The following RAPGEF5 variants were observed in gnomAD, a reference collection of about 807,000 sequenced individuals.
RAPGEF5 encodes M-Ras-regulated GEF.
In RAPGEF5, 65 loss-of-function variants were observed where a neutral mutation model predicts 125.2. That is an observed-to-expected ratio of 0.52 (90% CI 0.43 to 0.64). The LOEUF (loss-of-function observed/expected upper bound fraction) is 0.64, where lower values mean the gene tolerates loss of function less well. Ranked by LOEUF, RAPGEF5 falls within the 30% of genes least tolerant of loss-of-function variation. The pLI is 0.00. For synonymous variants in RAPGEF5, 391 were observed against 385.9 expected, an observed-to-expected ratio of 1.01 and a Z score of -0.16; for missense variants, 958 against 1,048.1, an observed-to-expected ratio of 0.91 and a Z score of 1.19.
At chr7:22,230,794 C>CA (rs1786036846) in intron 8 of RAPGEF5, 52 bp downstream of exon 8, 1 of 1,469,240 alleles carries the variant, frequency 6.8e-7, no homozygotes, top group African/African-American at 1.4e-5. Context: ...ACTGTCTCAC[C>CA]ACCCTCAACA....
chr7:22,350,184 A>G (rs1264910449), intron 1 of RAPGEF5, among the ~76,000 whole-genome samples: 2 of 152,216 alleles, frequency 1.3e-5, no homozygotes, highest in African/African-American at 4.8e-5. Context: ...GCTCAAAGTC[A>G]CTACCAATGA....
intron 7 of RAPGEF5, among the ~76,000 whole-genome samples, chr7:22,256,941 TG>T (rs1377280578): frequency 1.3e-5 from 2 of 152,228 alleles, no homozygotes; most frequent in Non-Finnish European, 2.9e-5. Context: ...CACATCCTAA[TG>T]GCCTTTTAGA....
chr7:22,156,719 TGAA>T, intron 16 of RAPGEF5, 88 bp downstream of exon 16: 7 of 1,580,004 alleles, frequency 4.4e-6, no homozygotes, highest in Non-Finnish European at 6.0e-6. Context: ...CAGCTGGAAA[TGAA>T]GGTTAGTCAG....
intron 1 of RAPGEF5, among the ~76,000 whole-genome samples, chr7:22,320,656 G>A (rs1249789051): frequency 6.6e-6 from 1 of 152,004 alleles, no homozygotes; most frequent in Non-Finnish European, 1.5e-5. Flanking sequence ...CCTTGGTTTT[G>A]TTTTTCCTCT....
intron 11 of RAPGEF5, among the ~76,000 whole-genome samples, chr7:22,179,015 A>G (rs1486524784): frequency 3.3e-5 from 5 of 152,224 alleles, no homozygotes; most frequent in Non-Finnish European, 7.3e-5. Context: ...TGTTAAGAAT[A>G]AGTGATTAAA....
At chr7:22,130,431 C>A (rs1287645165) in intron 24 of RAPGEF5, among the ~76,000 whole-genome samples, 1 of 152,164 alleles carries the variant, frequency 6.6e-6, no homozygotes, top group African/African-American at 2.4e-5. Context: ...CCCTGGGAAC[C>A]TCTTGCTTGT....
chr7:22,273,497 C>T (rs1782490175), intron 6 of RAPGEF5, among the ~76,000 whole-genome samples: 1 of 152,188 alleles, frequency 6.6e-6, no homozygotes, highest in South Asian at 2.1e-4. Context: ...GGATTACAGG[C>T]GTGAGCCACC....
chr7:22,233,347 T>A (rs1786107553), intron 7 of RAPGEF5, among the ~76,000 whole-genome samples: 1 of 152,182 alleles, frequency 6.6e-6, no homozygotes, highest in African/African-American at 2.4e-5. Flanking sequence ...TATTTGAATT[T>A]TTGCTCTTTA....
intron 9 of RAPGEF5, among the ~76,000 whole-genome samples, chr7:22,219,120 C>A (rs148765019): frequency 6.6e-6 from 1 of 152,216 alleles, no homozygotes; most frequent in African/African-American, 2.4e-5. Context: ...CCTTCATGAG[C>A]AATCCTGGAT....
At chr7:22,187,265 A>G (rs1369975151) in intron 11 of RAPGEF5, among the ~76,000 whole-genome samples, 1 of 152,202 alleles carries the variant, frequency 6.6e-6, no homozygotes, top group Non-Finnish European at 1.5e-5. Context: ...GAAAGAAAAT[A>G]TAGATCCCTT....
intron 11 of RAPGEF5, among the ~76,000 whole-genome samples, chr7:22,174,709 A>C (rs574235832): frequency 2.7e-5 from 4 of 150,268 alleles, no homozygotes; most frequent in Non-Finnish European, 5.9e-5. Context: ...CTTATTCCAC[A>C]GGAAAAGGGA....
intron 5 of RAPGEF5, chr7:22,298,826 C>T (rs1783128050): frequency 6.6e-6 from 1 of 152,128 alleles, no homozygotes; most frequent in Non-Finnish European, 1.5e-5. Flanking sequence ...TGTTGAAGGA[C>T]CATAGGTAGT....
chr7:22,315,277 C>T, intron 3 of RAPGEF5, 93 bp downstream of exon 3: 4 of 1,415,552 alleles, frequency 2.8e-6, no homozygotes, highest in Non-Finnish European at 3.8e-6. Context: ...CTGATATTGT[C>T]CACCTCTCTT....
At chr7:22,200,394 C>A (rs1785249258) in intron 9 of RAPGEF5, among the ~76,000 whole-genome samples, 2 of 152,172 alleles carry the variant, frequency 1.3e-5, no homozygotes, top group Admixed American at 1.3e-4. Flanking sequence ...AGATGTATGT[C>A]AAGGTGAGCC....
At chr7:22,142,015 G>A (rs531540425) in intron 20 of RAPGEF5, among the ~76,000 whole-genome samples, 5 of 152,090 alleles carry the variant, frequency 3.3e-5, no homozygotes, top group East Asian at 1.9e-4. Context: ...AACCCTGAAC[G>A]TTCCCACCAG....
intron 1 of RAPGEF5, among the ~76,000 whole-genome samples, chr7:22,343,298 C>A (rs908379194): frequency 2.6e-5 from 4 of 152,180 alleles, no homozygotes; most frequent in African/African-American, 4.8e-5. Context: ...GTTCCTCCTA[C>A]AACACATGGT....
intron 9 of RAPGEF5, among the ~76,000 whole-genome samples, chr7:22,196,724 G>A (rs1785154265): frequency 6.6e-6 from 1 of 152,224 alleles, no homozygotes. Flanking sequence ...AAACAGGGGA[G>A]AATGTGTATG....
At chr7:22,337,732 T>C (rs556421809) in intron 1 of RAPGEF5, among the ~76,000 whole-genome samples, 1 of 152,338 alleles carries the variant, frequency 6.6e-6, no homozygotes, top group Admixed American at 6.5e-5. Flanking sequence ...CAAAGGTGCT[T>C]TCAGTGGGAC....
At chr7:22,170,894 A>G (rs954332847) in intron 11 of RAPGEF5, among the ~76,000 whole-genome samples, 2 of 152,230 alleles carry the variant, frequency 1.3e-5, no homozygotes, top group Non-Finnish European at 2.9e-5. Flanking sequence ...AATAAAGAAA[A>G]TAGTTAAAAA....
Sources: gnomAD v4.1 joint callset for allele counts (sites outside exome capture counted in the v4.1 genomes callset) on GRCh38, gnomAD v4.1.1 for gene constraint, MANE v1.5 for transcripts, NCBI Gene and HGNC (gene_info 2026-07-23, HGNC 2026-07-21) for gene names.